The following EIPR1 variants were observed in gnomAD, a reference collection of about 807,000 sequenced individuals.
The protein encoded by EIPR1 is EARP and GARP complex-interacting protein 1.
In EIPR1, 25 loss-of-function variants were observed where a neutral mutation model predicts 48.1. That is an observed-to-expected ratio of 0.52 (90% CI 0.38 to 0.73). EIPR1 has a LOEUF of 0.73. EIPR1 is among the 30% of genes least tolerant of loss of function. The probability of loss-of-function intolerance (pLI) is 0.00; values close to 1 mark genes in which losing one functional copy is unlikely to be tolerated. For synonymous variants in EIPR1, 204 were observed against 201.9 expected, an observed-to-expected ratio of 1.01 and a Z score of -0.09; for missense variants, 415 against 506.2, an observed-to-expected ratio of 0.82 and a Z score of 1.73.
At chr2:3,319,249 A>T in intron 3 of EIPR1, 1 of 319,518 alleles carries the variant, frequency 3.1e-6, no homozygotes, top group South Asian at 2.7e-5. Context: ...GAAGCCTTGT[A>T]GCTGTAGGTC....
chr2:3,263,083 C>G (rs568515642), intron 3 of EIPR1, among the ~76,000 whole-genome samples: 3 of 152,326 alleles, frequency 2.0e-5, no homozygotes, highest in Non-Finnish European at 4.4e-5. Context: ...CTTTACAGAT[C>G]AATGAGTTCG....
intron 4 of EIPR1, among the ~76,000 whole-genome samples, chr2:3,220,939 T>C (rs1572318604): frequency 7.1e-6 from 1 of 141,602 alleles, no homozygotes; most frequent in Non-Finnish European, 1.5e-5. Context: ...TTTTACAGCA[T>C]TTATAGTCAG....
chr2:3,282,032 ATTT>A (rs1461566881), intron 3 of EIPR1, among the ~76,000 whole-genome samples: 1 of 152,238 alleles, frequency 6.6e-6, no homozygotes, highest in Non-Finnish European at 1.5e-5. Context: ...GGAAATGAGA[ATTT>A]TATATTCAAT....
At chr2:3,218,139 T>C (rs1423080612) in intron 4 of EIPR1, among the ~76,000 whole-genome samples, 1 of 151,344 alleles carries the variant, frequency 6.6e-6, no homozygotes, top group Non-Finnish European at 1.5e-5. Flanking sequence ...ACGGCCCCGA[T>C]ACACTCTAGA....
chr2:3,242,428 A>G (rs1389908265), intron 4 of EIPR1, among the ~76,000 whole-genome samples: 1 of 148,206 alleles, frequency 6.7e-6, no homozygotes, highest in Non-Finnish European at 1.5e-5. Context: ...GGCAGCAGCC[A>G]TCGATGGCTG....
At chr2:3,275,595 T>C (rs1377057978) in intron 3 of EIPR1, among the ~76,000 whole-genome samples, 1 of 152,158 alleles carries the variant, frequency 6.6e-6, no homozygotes, top group East Asian at 1.9e-4. Context: ...TTCAAAGAAT[T>C]ACTATTAAAC....
Position 3,343,569 on chromosome 2 carries a change from AATC to A in EIPR1, c.127-5423_127-5421del, listed in dbSNP as rs1167693373. ...ATAAAGATCAAACTCATGTATTTTG[AATC>A]ATCATTAAAATTTTTAAAGTTGATT... On this transcript the variant is annotated intron_variant, in intron 2 of 8. Coordinates refer to ENST00000382125, the MANE Select transcript of EIPR1 (RefSeq NM_003310.5). Among the ~76,000 whole-genome samples the A allele has an allele frequency of 9.2e-5, 14 of 152,354 alleles. No homozygotes were observed. In the East Asian group the frequency reaches 2.3e-3, roughly 25 times the overall value.
chr2:3,230,117 C>T lies in EIPR1; in HGVS notation c.417-15869G>A, dbSNP rs1054540405. ...TATAGTTCTCAGTGTACAGGTGTTT[C>T]ACTGGCTTGGTAAAAGTTATTCCTG... On this transcript the variant is annotated intron_variant, in intron 4 of 8. Coordinates refer to ENST00000382125, the MANE Select transcript of EIPR1 (RefSeq NM_003310.5). 4.6e-5 allele frequency among the ~76,000 whole-genome samples: 7 copies of T among 151,618 alleles called. 1 individual carries two copies. In the South Asian group the frequency reaches 1.3e-3, roughly 27 times the overall value.
chr2:3,299,675 T>C (rs2103291579), intron 3 of EIPR1, among the ~76,000 whole-genome samples: 1 of 148,966 alleles, frequency 6.7e-6, no homozygotes, highest in South Asian at 2.2e-4. Context: ...GTTATGGCCA[T>C]ACGTGTAAGC....
At chr2:3,333,502 G>A (rs961333712) in intron 3 of EIPR1, among the ~76,000 whole-genome samples, 1 of 152,056 alleles carries the variant, frequency 6.6e-6, no homozygotes, top group East Asian at 1.9e-4. Context: ...CTTTGGGAGG[G>A]TGAAGCGGGT....
At chr2:3,364,859 G>T (rs1670936078) in intron 1 of EIPR1, among the ~76,000 whole-genome samples, 1 of 152,052 alleles carries the variant, frequency 6.6e-6, no homozygotes, top group African/African-American at 2.4e-5. Context: ...AAGAAAAGTT[G>T]GTTAATAGGT....
In EIPR1 at chr2:3,283,228, G is replaced by A. The variant is rs544003274; in HGVS notation, c.260-25773C>T. 3.9e-3 allele frequency among the ~76,000 whole-genome samples: 597 copies of A among 152,256 alleles called. 5 individuals carry two copies. The highest frequency in any genetic ancestry group is 0.011 in the African/African-American group (450 of 41,544). On this transcript the variant is annotated intron_variant, in intron 3 of 8. Transcript: ENST00000382125. ...CTCCTGGGGCAGGGACATCCTAAGA[G>A]GGTCCATGCAGCAAATGCACCTCTC... is the stretch of plus-strand genomic sequence containing the variant.
intron 1 of EIPR1, among the ~76,000 whole-genome samples, chr2:3,371,591 G>A (rs1671115875): frequency 6.6e-6 from 1 of 152,106 alleles, no homozygotes; most frequent in South Asian, 2.1e-4. Context: ...CCTAGTCTCT[G>A]ATAAAACACA....
chr2:3,229,712 A>G (rs566351184), intron 4 of EIPR1, among the ~76,000 whole-genome samples: 3 of 152,186 alleles, frequency 2.0e-5, no homozygotes, highest in African/African-American at 7.2e-5. Context: ...TCAATACACA[A>G]TTAGGATCTT....
rs144858974 is a variant in EIPR1, at chr2:3,362,088, A to C, written c.43-7455T>G. Among the ~76,000 whole-genome samples the C allele has an allele frequency of 2.3e-3, 343 of 152,316 alleles. 3 individuals are homozygous for C. The highest frequency in any genetic ancestry group is 7.9e-3 in the African/African-American group (329 of 41,560). On this transcript the variant is annotated intron_variant, in intron 1 of 8. Transcript: ENST00000382125. ...AAACTGCCCGAGCCAGACCCGCACT[A>C]AGCGCCCCTGGGCACGTCCACTCAA...
intron 3 of EIPR1, among the ~76,000 whole-genome samples, chr2:3,290,990 C>T (rs578171908): frequency 1.6e-4 from 25 of 152,276 alleles, no homozygotes; most frequent in Non-Finnish European, 2.9e-5. Context: ...CACGGGCCAG[C>T]CCTCAGTTTT....
chr2:3,363,551 C>A (rs1000067738), intron 1 of EIPR1, among the ~76,000 whole-genome samples: 2 of 152,012 alleles, frequency 1.3e-5, no homozygotes, highest in East Asian at 3.9e-4. Flanking sequence ...TAAAAGTCAG[C>A]CAAGTGTGGA....
intron 3 of EIPR1, among the ~76,000 whole-genome samples, chr2:3,280,657 T>C (rs1462257266): frequency 2.0e-5 from 3 of 152,186 alleles, no homozygotes; most frequent in Non-Finnish European, 4.4e-5. Context: ...TCAGCAGGCC[T>C]GTTTTGTTCA....
Position 3,313,088 on chromosome 2 carries a change from G to A in EIPR1, c.259+24929C>T, listed in dbSNP as rs75075350. 7.2e-4 allele frequency among the ~76,000 whole-genome samples: 110 copies of A among 152,330 alleles called. No homozygotes were observed. In the East Asian group the frequency reaches 0.02, roughly 27 times the overall value. ...CCTATCAGCCTCAAGGAGACCCAGT[G>A]ACCCAATGAGGCTGGGTGACTGCCT... is the stretch of plus-strand genomic sequence containing the variant. On this transcript the variant is annotated intron_variant, in intron 3 of 8. Transcript: ENST00000382125.
Sources: gnomAD v4.1 joint callset for allele counts (sites outside exome capture counted in the v4.1 genomes callset) on GRCh38, gnomAD v4.1.1 for gene constraint, MANE v1.5 for transcripts, NCBI Gene and HGNC (gene_info 2026-07-23, HGNC 2026-07-21) for gene names.